EIF3J: variants seen among roughly 807,000 people sequenced by gnomAD.
EIF3J encodes the protein eukaryotic translation initiation factor 3 subunit J.
A neutral mutation model predicts 39.0 loss-of-function variants in EIF3J; 15 were observed. The ratio of observed to expected loss-of-function variants is 0.38; its 90% CI spans 0.26 to 0.59. EIF3J has a LOEUF of 0.59. Ranked by LOEUF, EIF3J falls within the 20% of genes least tolerant of loss-of-function variation. The pLI is 0.60. For missense variants in EIF3J, 226 were observed against 308.6 expected, an observed-to-expected ratio of 0.73 and a Z score of 2.00; for synonymous variants, 98 against 112.9, an observed-to-expected ratio of 0.87 and a Z score of 0.84.
Position 44,554,375 on chromosome 15 carries a change from T to TAAAAAA in EIF3J, c.295-158_295-153dup, listed in dbSNP as rs59415615. 2.1e-3 allele frequency among the ~76,000 whole-genome samples: 133 copies of TAAAAAA among 61,880 alleles called. 7 individuals are homozygous for TAAAAAA. The East Asian group carries it at 0.05, about 23-fold the overall frequency. 40.6% of individuals were successfully genotyped at this position (61,880 alleles called of 152,430 possible). A position where few individuals can be genotyped will look rare whatever the true frequency, so the allele number is the denominator to read the frequency against. The stretch of plus-strand genomic sequence containing the variant: ...CTTGGTGGCAGAGTGAGGCTCTGTC[T>TAAAAAA]AAAAAAAAAAAAAAAAAAAAAAAAA... On this transcript the variant is annotated intron_variant, in intron 4 of 7. Coordinates refer to ENST00000261868, the MANE Select transcript of EIF3J (RefSeq NM_003758.4).
At chr15:44,543,334 G>A (rs1277675011) in intron 2 of EIF3J, among the ~76,000 whole-genome samples, 2 of 151,980 alleles carry the variant, frequency 1.3e-5, no homozygotes, top group African/African-American at 2.4e-5. Flanking sequence ...TGGGGAGAGA[G>A]TGACAGTCAA....
intron 2 of EIF3J, among the ~76,000 whole-genome samples, chr15:44,546,916 T>C (rs1490459037): frequency 1.4e-5 from 2 of 145,242 alleles, no homozygotes; most frequent in Non-Finnish European, 3.0e-5. Context: ...TCGCCTCCTG[T>C]GCTCAAATGA....
intron 2 of EIF3J, among the ~76,000 whole-genome samples, chr15:44,549,827 G>T (rs143100099): frequency 3.1e-4 from 47 of 151,176 alleles, no homozygotes; most frequent in African/African-American, 1.1e-3. Context: ...AGGCATGGTG[G>T]TGTATGCCTG....
intron 2 of EIF3J, among the ~76,000 whole-genome samples, chr15:44,550,186 T>C (rs1337869161): frequency 6.6e-6 from 1 of 152,224 alleles, no homozygotes; most frequent in African/African-American, 2.4e-5. Context: ...TAAGGTAGCA[T>C]ACCTGTAAAA....
At chr15:44,552,090 G>T (rs1595804157) in intron 4 of EIF3J, among the ~76,000 whole-genome samples, 1 of 151,862 alleles carries the variant, frequency 6.6e-6, no homozygotes, top group East Asian at 1.9e-4. Flanking sequence ...CAAAGTCCTG[G>T]GATTACAGGT....
intron 2 of EIF3J, among the ~76,000 whole-genome samples, chr15:44,545,467 G>A (rs749611404): frequency 6.6e-6 from 1 of 152,126 alleles, no homozygotes; most frequent in Non-Finnish European, 1.5e-5. Context: ...CTACTAAACC[G>A]TGAACTTTGT....
rs1021447088 is a variant in EIF3J, at chr15:44,561,735, T to TA, written c.*589dup. Reference sequence around the variant, plus strand: ...GACCAAAACCCTCCAACTTTGAAGCTAAAGAAGGTAAACCTTTCCATTATT... The same window carrying TA: ...GACCAAAACCCTCCAACTTTGAAGCTAAAAGAAGGTAAACCTTTCCATTATT... On this transcript the variant is annotated 3_prime_UTR_variant, in exon 8 of 8. Coordinates refer to ENST00000261868, the MANE Select transcript of EIF3J (RefSeq NM_003758.4). 6.6e-6 allele frequency: 1 copy of TA among 152,558 alleles called. No individual in the cohort carries two copies. The highest frequency in any genetic ancestry group is 2.4e-5 in the African/African-American group (1 of 41,456). The allele number at this position is 152,558 out of a possible 1,614,324, so 9.5% of individuals were successfully genotyped here.
rs1419952061 is a variant in EIF3J at position 44,557,617 on chromosome 15, T to C, written c.538T>C (p.Leu180=). ...AAAGTCACTATATTATGCCAGTTTTTTGGAAGTCTTAGTTCGAGATGTGTG... is the reference window on the plus strand; with the variant it reads ...AAAGTCACTATATTATGCCAGTTTTCTGGAAGTCTTAGTTCGAGATGTGTG... The part of the protein sequence containing the change: ...YEKSLYYASF[L]EVLVRDVCIS... Residue 180 remains leucine (L), a synonymous_variant, in exon 6 of 8, where the codon TTG becomes CTG. Transcript: ENST00000261868. 3 of 1,528,628 alleles carry C rather than the reference T, an allele frequency of 2.0e-6. No homozygotes were observed. The highest frequency in any genetic ancestry group is 2.8e-5 in the African/African-American group (2 of 71,624). The allele number at this position is 1,528,628 out of a possible 1,614,324, so 94.7% of individuals were successfully genotyped here.
At chr15:44,551,074 G>A in intron 3 of EIF3J, 144 bp downstream of exon 3, 1 of 1,342,238 alleles carries the variant, frequency 7.5e-7, no homozygotes. Flanking sequence ...ACTTTATTCT[G>A]TTTTCCCTGC....
intron 7 of EIF3J, chr15:44,560,622 A>C (rs2082183790): frequency 2.8e-6 from 1 of 361,620 alleles, no homozygotes; most frequent in African/African-American, 2.1e-5. Context: ...CCCTTCTAAA[A>C]TAGGAACAAT....
At chr15:44,549,823 G>T (rs998194116) in intron 2 of EIF3J, among the ~76,000 whole-genome samples, 8 of 150,154 alleles carry the variant, frequency 5.3e-5, no homozygotes, top group African/African-American at 1.7e-4. Context: ...AGCCAGGCAT[G>T]GTGGTGTATG....
intron 2 of EIF3J, among the ~76,000 whole-genome samples, chr15:44,541,138 A>C (rs2082011560): frequency 1.3e-5 from 2 of 152,102 alleles, no homozygotes; most frequent in Admixed American, 1.3e-4. Flanking sequence ...TACCTTTTTT[A>C]CTATCCTGAT....
intron 4 of EIF3J, 74 bp downstream of exon 4, chr15:44,551,596 C>G (rs767778901): frequency 4.8e-5 from 56 of 1,163,664 alleles, no homozygotes; most frequent in Non-Finnish European, 6.6e-5. Flanking sequence ...GCAAATATTA[C>G]CTAGGAATTT....
At position 44,554,577 on chromosome 15, in the gene EIF3J, G is replaced by C. The variant is rs767802088; in HGVS notation, c.319G>C (p.Val107Leu). Residue 107 changes from valine (V) to leucine (L), a missense_variant, in exon 5 of 8, where the codon GTG becomes CTG. Transcript: ENST00000261868. ...KRLEEPEEPK[V>L]LTPEEQLADK... is the part of the protein sequence containing the mutation. The stretch of plus-strand genomic sequence containing the variant: ...GTTAGAAGAACCCGAAGAACCTAAA[G>C]TGCTAACACCAGAAGAACAATTAGC... 6 of 1,611,440 alleles carry C rather than the reference G, an allele frequency of 3.7e-6. No individual in the cohort carries two copies. The highest frequency in any genetic ancestry group is 5.1e-6 in the Non-Finnish European group (6 of 1,179,170).
Position 44,562,767 on chromosome 15 carries a change from C to G in EIF3J, c.*1618C>G. On this transcript the variant is annotated 3_prime_UTR_variant, in exon 8 of 8. Coordinates refer to ENST00000261868, the MANE Select transcript of EIF3J (RefSeq NM_003758.4). ...TGAAAATGTATCACCTGTTCCTTAA[C>G]TGTGTAAATAATAATTAAATTTCTT... is the stretch of plus-strand genomic sequence containing the variant. The G allele has an allele frequency of 4.5e-6, 1 of 221,376 alleles. No individual in the cohort carries two copies. The highest frequency in any genetic ancestry group is 1.1e-4 in the East Asian group (1 of 9,004). The allele number at this position is 221,376 out of a possible 1,614,324, so 13.7% of individuals were successfully genotyped here. A position where few individuals can be genotyped will look rare whatever the true frequency, so the allele number is the denominator to read the frequency against.
chr15:44,540,766 T>C (rs1045277583), intron 2 of EIF3J, among the ~76,000 whole-genome samples: 1 of 152,212 alleles, frequency 6.6e-6, no homozygotes, highest in African/African-American at 2.4e-5. Flanking sequence ...TGAATTCTTA[T>C]GTTTTTGTAC....
chr15:44,548,759 A>C (rs748221966), intron 2 of EIF3J, among the ~76,000 whole-genome samples: 5 of 151,920 alleles, frequency 3.3e-5, no homozygotes, highest in Non-Finnish European at 7.4e-5. Context: ...TCAGATATCT[A>C]CTCCTAATAT....
chr15:44,537,647 C>T (rs2081971035), intron 2 of EIF3J, among the ~76,000 whole-genome samples: 1 of 152,230 alleles, frequency 6.6e-6, no homozygotes, highest in African/African-American at 2.4e-5. Context: ...GTCTGCTCTC[C>T]GGCGTGGATC....
chr15:44,554,460 T>C, intron 4 of EIF3J, 93 bp from the exon 5 acceptor site: 1 of 559,378 alleles, frequency 1.8e-6, no homozygotes. Flanking sequence ...TTATTTGTTA[T>C]TATATACGCT....
Sources: allele counts gnomAD v4.1 joint callset (sites outside exome capture counted in the v4.1 genomes callset), GRCh38; gene constraint gnomAD v4.1.1; transcripts MANE v1.5; gene names NCBI Gene and HGNC (gene_info 2026-07-23, HGNC 2026-07-21).